TEKT5: variants seen among roughly 807,000 people sequenced by gnomAD.
TEKT5 encodes the protein tektin-5.
Under a neutral mutation model 48.7 loss-of-function variants are expected in TEKT5, and 52 were observed. The observed-to-expected ratio is 1.07, with a 90% CI of 0.86 to 1.35. The LOEUF is 1.35. Among genes scored for constraint, TEKT5 ranks in the 40% most tolerant of loss-of-function variants. The probability of loss-of-function intolerance (pLI) is 0.00; values close to 1 mark genes in which losing one functional copy is unlikely to be tolerated. For synonymous variants in TEKT5, 318 were observed against 267.6 expected, an observed-to-expected ratio of 1.19 and a Z score of -1.84; for missense variants, 831 against 641.6, an observed-to-expected ratio of 1.30 and a Z score of -3.19.
At chr16:10,683,461 T>A (rs1387795591) in intron 3 of TEKT5, among the ~76,000 whole-genome samples, 1 of 152,210 alleles carries the variant, frequency 6.6e-6, no homozygotes, top group African/African-American at 2.4e-5. Context: ...CTGGTTGGTA[T>A]CTCGGCTAAG....
At chr16:10,667,423 T>C (rs889575181) in intron 5 of TEKT5, among the ~76,000 whole-genome samples, 23 of 152,294 alleles carry the variant, frequency 1.5e-4, no homozygotes, top group African/African-American at 5.3e-4. Flanking sequence ...TCAAATCATG[T>C]TCAAATAAGG....
At chr16:10,631,792 G>A (rs1046418449) in intron 6 of TEKT5, among the ~76,000 whole-genome samples, 2 of 152,146 alleles carry the variant, frequency 1.3e-5, no homozygotes, top group Admixed American at 6.6e-5. Flanking sequence ...ACAGCCCTCC[G>A]GAGCTGGGAG....
At chr16:10,633,243 C>A (rs901420641) in intron 6 of TEKT5, among the ~76,000 whole-genome samples, 15 of 152,120 alleles carry the variant, frequency 9.9e-5, no homozygotes, top group African/African-American at 3.6e-4. Context: ...CGAGTGTAAT[C>A]CCAGCTACTC....
chr16:10,668,957 C>G (rs1898507416), intron 5 of TEKT5, among the ~76,000 whole-genome samples: 1 of 152,186 alleles, frequency 6.6e-6, no homozygotes, highest in Admixed American at 6.5e-5. Flanking sequence ...GCCACTCAAC[C>G]CTTACCCACT....
chr16:10,628,904 T>TAAAAAAAAAA (rs1897794687), intron 6 of TEKT5, among the ~76,000 whole-genome samples: 1 of 100,770 alleles, frequency 9.9e-6, no homozygotes, highest in African/African-American at 6.9e-5. Flanking sequence ...AAACTCTGTC[T>TAAAAAAAAAA]CAAAAAAAAA....
rs56185244 is a variant in TEKT5, at chr16:10,690,203, G to A, written c.565-178C>T. The A allele has an allele frequency of 2.8e-3, 1,766 of 625,040 alleles. 27 individuals carry two copies. The highest frequency in any genetic ancestry group is 0.028 in the African/African-American group (1,518 of 54,316). The allele number at this position is 625,040 out of a possible 1,614,324, so 38.7% of individuals were successfully genotyped here. ...TCTGCCTCCCCTTCTCCCCGGATGA[G>A]AGCTGTGGGTTGTCATATGACCAAG... On this transcript the variant is annotated intron_variant, in intron 1 of 6. Transcript: ENST00000283025.
At chr16:10,643,875 C>A (rs1310204342) in intron 5 of TEKT5, among the ~76,000 whole-genome samples, 1 of 151,958 alleles carries the variant, frequency 6.6e-6, no homozygotes, top group Non-Finnish European at 1.5e-5. Context: ...CCCGTCTCTA[C>A]TAAAAATAGA....
chr16:10,694,665 C>G lies in TEKT5; in HGVS notation c.209G>C (p.Ser70Thr). The change falls in exon 1 of 7, where the codon AGT becomes ACT. Residue 70 changes from serine to threonine, a missense_variant. By Grantham distance (58) the Ser-to-Thr change is moderately conservative. Coordinates refer to ENST00000283025, the MANE Select transcript of TEKT5 (RefSeq NM_144674.2). ...NVQTCPDEST[S>T]TLRPPTILPT... is the part of the protein sequence containing the mutation. Reference sequence around the variant, plus strand: ...CAGGATGGTGGGCGGCCGCAGGGTACTGGTGCTCTCGTCCGGGCAGGTCTG... The same window carrying G: ...CAGGATGGTGGGCGGCCGCAGGGTAGTGGTGCTCTCGTCCGGGCAGGTCTG... The G allele has an allele frequency of 6.2e-7, 1 of 1,613,270 alleles. No individual in the cohort carries two copies. Among genetic ancestry groups the G allele is most frequent in the Non-Finnish European group, 8.5e-7 (1 of 1,179,542 alleles).
At chr16:10,667,466 G>C (rs1437886740) in intron 5 of TEKT5, among the ~76,000 whole-genome samples, 1 of 152,210 alleles carries the variant, frequency 6.6e-6, no homozygotes, top group Non-Finnish European at 1.5e-5. Context: ...CAATCTGGCT[G>C]TTTCTGTACC....
At chr16:10,634,298 G>A (rs1417396985) in intron 6 of TEKT5, among the ~76,000 whole-genome samples, 1 of 152,200 alleles carries the variant, frequency 6.6e-6, no homozygotes, top group Non-Finnish European at 1.5e-5. Flanking sequence ...TTCCCTTGCT[G>A]TAGGCTAGGG....
At chr16:10,673,650 T>TG (rs1484394573) in intron 5 of TEKT5, among the ~76,000 whole-genome samples, 1 of 81,372 alleles carries the variant, frequency 1.2e-5, no homozygotes, top group Non-Finnish European at 2.3e-5. Flanking sequence ...CATTCTATTT[T>TG]TTTTTTTTTT....
intron 5 of TEKT5, among the ~76,000 whole-genome samples, chr16:10,644,253 A>G (rs551388069): frequency 6.6e-6 from 1 of 152,306 alleles, no homozygotes; most frequent in Admixed American, 6.5e-5. Context: ...AAAGTGAGTC[A>G]GTGACTACTA....
At chr16:10,687,690 T>C (rs746077633) in intron 3 of TEKT5, among the ~76,000 whole-genome samples, 1 of 152,208 alleles carries the variant, frequency 6.6e-6, no homozygotes, top group Non-Finnish European at 1.5e-5. Context: ...GAGGTGGAGG[T>C]TGCAGTGAGC....
chr16:10,640,329 G>A (rs963260152), intron 5 of TEKT5, among the ~76,000 whole-genome samples: 2 of 152,060 alleles, frequency 1.3e-5, no homozygotes, highest in Non-Finnish European at 1.5e-5. Flanking sequence ...GCCCAGGCTG[G>A]TCTCAAACTC....
intron 5 of TEKT5, among the ~76,000 whole-genome samples, chr16:10,638,840 T>C (rs1269999032): frequency 6.6e-6 from 1 of 152,180 alleles, no homozygotes; most frequent in Non-Finnish European, 1.5e-5. Context: ...ATCAAAACCA[T>C]GGAAGTCTGG....
At chr16:10,662,424 C>A in intron 5 of TEKT5, among the ~76,000 whole-genome samples, 1 of 152,274 alleles carries the variant, frequency 6.6e-6, no homozygotes, top group East Asian at 1.9e-4. Flanking sequence ...AACGAGGAGG[C>A]GGCCCCAGGT....
rs144135104 is a variant in TEKT5 at position 10,668,797 on chromosome 16, CCTGT to C, written c.1086+7158_1086+7161del. Reference sequence around the variant, plus strand: ...TATGCCTGGATGTTTTGTTTATCTGCCTGTCTGAGTTTCCTCTGATATATAAAGC... The same window carrying C: ...TATGCCTGGATGTTTTGTTTATCTGCCTGAGTTTCCTCTGATATATAAAGC... On this transcript the variant is annotated intron_variant, in intron 5 of 6. Transcript: ENST00000283025. Among the ~76,000 whole-genome samples, 1,258 of 152,292 alleles carry C rather than the reference CCTGT, an allele frequency of 8.3e-3. 18 individuals carry two copies. The highest frequency in any genetic ancestry group is 0.029 in the African/African-American group (1,200 of 41,568).
chr16:10,682,024 A>C lies in TEKT5; in HGVS notation c.832T>G (p.Phe278Val). ...NLRNTSDCIS[F>V]FHGMEKIDGT... is the part of the protein sequence containing the mutation. ...TCAATTTTCTCCATGCCGTGGAAGA[A>C]GCTGATGCAGTCTGACGTATTTCTC... The change falls in exon 4 of 7, where the codon TTC (phenylalanine) becomes GTC (valine). Residue 278 changes from phenylalanine (F) to valine (V), a missense_variant. Transcript: ENST00000283025. 1 of 1,614,126 alleles carries C rather than the reference A, an allele frequency of 6.2e-7. No homozygotes were observed. The highest frequency in any genetic ancestry group is 1.7e-4 in the Middle Eastern group (1 of 6,060).
chr16:10,645,884 C>T (rs1320826432), intron 5 of TEKT5, among the ~76,000 whole-genome samples: 1 of 152,052 alleles, frequency 6.6e-6, no homozygotes, highest in Admixed American at 6.5e-5. Flanking sequence ...AATTCCAGCA[C>T]TTTGCGGGGC....
Sources: gnomAD v4.1 joint callset for allele counts (sites outside exome capture counted in the v4.1 genomes callset) on GRCh38, gnomAD v4.1.1 for gene constraint, MANE v1.5 for transcripts, NCBI Gene and HGNC (gene_info 2026-07-23, HGNC 2026-07-21) for gene names.